RSRC1: variants seen among roughly 807,000 people sequenced by gnomAD.
RSRC1 encodes the protein arginine and serine rich coiled-coil 1, also known as serine/Arginine-related protein 53.
A neutral mutation model predicts 49.1 loss-of-function variants in RSRC1; 39 were observed. That is an observed-to-expected ratio of 0.79 (90% CI 0.61 to 1.04). The LOEUF (loss-of-function observed/expected upper bound fraction) is 1.04. Ranked by LOEUF, RSRC1 falls within the 50% of genes least tolerant of loss-of-function variation. The pLI is 0.00. For synonymous variants in RSRC1, 143 were observed against 130.8 expected, an observed-to-expected ratio of 1.09 and a Z score of -0.63; for missense variants, 388 against 402.4, an observed-to-expected ratio of 0.96 and a Z score of 0.31.
chr3:158,119,518 A>G (rs1419313194), intron 1 of RSRC1, among the ~76,000 whole-genome samples: 1 of 152,142 alleles, frequency 6.6e-6, no homozygotes. Context: ...ACATTCTTAA[A>G]TGATTAAAGG....
Position 158,461,011 on chromosome 3 carries a change from CAT to C in RSRC1, c.652+9_652+10del. 6.3e-7 allele frequency: 1 copy of C among 1,587,338 alleles called. No homozygotes were observed. Among genetic ancestry groups the C allele is most frequent in the Non-Finnish European group, 8.6e-7 (1 of 1,161,838 alleles). On this transcript the variant is annotated intron_variant, in intron 7 of 9. Transcript: ENST00000611884. ...AGAGAAGAAAGGAGGAAGGTAAAGG[CAT>C]GTGTTCATTTTTCTCTGAGAAATCA... is the stretch of plus-strand genomic sequence containing the variant.
At chr3:158,227,544 A>AG (rs1722596107) in intron 4 of RSRC1, among the ~76,000 whole-genome samples, 1 of 152,040 alleles carries the variant, frequency 6.6e-6, no homozygotes, top group African/African-American at 2.4e-5. Context: ...AATGAATAAA[A>AG]GAAGAGCCTT....
At chr3:158,417,349 A>G (rs1250993389) in intron 6 of RSRC1, among the ~76,000 whole-genome samples, 2 of 152,016 alleles carry the variant, frequency 1.3e-5, no homozygotes, top group Non-Finnish European at 2.9e-5. Context: ...CATTTTATTT[A>G]TGTTAGAGAA....
In RSRC1 at chr3:158,468,605, A is replaced by T. The variant is rs527395353; in HGVS notation, c.652+7602A>T. On this transcript the variant is annotated intron_variant, in intron 7 of 9. Coordinates refer to ENST00000611884, the MANE Select transcript of RSRC1 (RefSeq NM_001271838.2). Reference sequence around the variant, plus strand: ...TTGCCTCCTCTATAAAATGAGGCTAATGAAAATATTTGCTCACTGGAGTGA... The same window carrying T: ...TTGCCTCCTCTATAAAATGAGGCTATTGAAAATATTTGCTCACTGGAGTGA... Among the ~76,000 whole-genome samples the T allele has an allele frequency of 1.3e-4, 20 of 152,304 alleles. No homozygotes were observed. The East Asian group carries it at 3.7e-3, about 28-fold the overall frequency.
chr3:158,274,913 G>A (rs1473065953), intron 4 of RSRC1, among the ~76,000 whole-genome samples: 1 of 152,154 alleles, frequency 6.6e-6, no homozygotes, highest in Non-Finnish European at 1.5e-5. Context: ...AACCCAAGAT[G>A]TTTTTAAAAC....
intron 4 of RSRC1, among the ~76,000 whole-genome samples, chr3:158,296,550 T>C (rs1354643112): frequency 6.6e-6 from 1 of 152,084 alleles, no homozygotes; most frequent in Middle Eastern, 3.2e-3. Context: ...TAACTATATT[T>C]GAATGTTCTT....
At chr3:158,115,539 TA>T (rs1414808225) in intron 1 of RSRC1, among the ~76,000 whole-genome samples, 1 of 152,198 alleles carries the variant, frequency 6.6e-6, no homozygotes. Context: ...CCTTATTAAT[TA>T]AAACGAAATT....
chr3:158,242,191 G>A (rs1723634383), intron 4 of RSRC1, among the ~76,000 whole-genome samples: 2 of 151,710 alleles, frequency 1.3e-5, no homozygotes, highest in East Asian at 3.9e-4. Flanking sequence ...TCCTGATGCT[G>A]TTTCTCCTGC....
chr3:158,341,983 T>C (rs1730271704), intron 5 of RSRC1, among the ~76,000 whole-genome samples: 1 of 152,180 alleles, frequency 6.6e-6, no homozygotes, highest in Non-Finnish European at 1.5e-5. Flanking sequence ...ATGGGCCCTG[T>C]AACCCCTTTC....
At position 158,304,127 on chromosome 3, in the gene RSRC1, A is replaced by G. The variant is rs188947136; in HGVS notation, c.531+6052A>G. Among the ~76,000 whole-genome samples, 760 of 152,308 alleles carry G rather than the reference A, an allele frequency of 5.0e-3. 3 individuals are homozygous for G. The highest frequency in any genetic ancestry group is 7.6e-3 in the Non-Finnish European group (514 of 68,008). ...GATGTCCTACTTGTCCTTGTGGTCAAGTAACACAGTCTGACCATTTTAAGT... is the reference window on the plus strand; with the variant it reads ...GATGTCCTACTTGTCCTTGTGGTCAGGTAACACAGTCTGACCATTTTAAGT... On this transcript the variant is annotated intron_variant, in intron 5 of 9. Coordinates refer to ENST00000611884, the MANE Select transcript of RSRC1 (RefSeq NM_001271838.2).
At chr3:158,272,063 G>T (rs773357511) in intron 4 of RSRC1, among the ~76,000 whole-genome samples, 2 of 152,076 alleles carry the variant, frequency 1.3e-5, no homozygotes, top group African/African-American at 4.8e-5. Flanking sequence ...AGGATTAAGG[G>T]CCTAAAGGAA....
intron 7 of RSRC1, among the ~76,000 whole-genome samples, chr3:158,522,391 T>G (rs563066830): frequency 6.6e-6 from 1 of 152,184 alleles, no homozygotes; most frequent in Non-Finnish European, 1.5e-5. Flanking sequence ...ACTGCAGCCT[T>G]GAATTCCTGG....
At chr3:158,421,550 T>TTAGTTTTGTGATA (rs1735053457) in intron 6 of RSRC1, among the ~76,000 whole-genome samples, 1 of 151,884 alleles carries the variant, frequency 6.6e-6, no homozygotes, top group African/African-American at 2.4e-5. Context: ...CTGATGAAAA[T>TTAGTTTTGTGATA]ATTTTATATG....
At chr3:158,267,860 AT>A (rs368565806) in intron 4 of RSRC1, among the ~76,000 whole-genome samples, 2,589 of 124,976 alleles carry the variant, frequency 0.021, 24 homozygotes, top group Non-Finnish European at 0.025. Flanking sequence ...TTCCATATCT[AT>A]TTTTTTTTTT....
chr3:158,448,735 G>A (rs893712094), intron 6 of RSRC1, among the ~76,000 whole-genome samples: 3 of 151,904 alleles, frequency 2.0e-5, no homozygotes, highest in Admixed American at 6.6e-5. Flanking sequence ...TCTAATAAGT[G>A]ACATAGAAAA....
At chr3:158,125,692 T>TGC (rs1233228754) in intron 3 of RSRC1, among the ~76,000 whole-genome samples, 1 of 152,204 alleles carries the variant, frequency 6.6e-6, no homozygotes, top group African/African-American at 2.4e-5. Flanking sequence ...ATGCATATTT[T>TGC]GCTGCTGTTG....
intron 6 of RSRC1, among the ~76,000 whole-genome samples, chr3:158,390,860 T>A (rs1733246471): frequency 6.6e-6 from 1 of 152,190 alleles, no homozygotes; most frequent in Non-Finnish European, 1.5e-5. Flanking sequence ...AAAGGATAAA[T>A]GCAGACCACT....
intron 4 of RSRC1, among the ~76,000 whole-genome samples, chr3:158,258,641 G>A (rs947291502): frequency 6.6e-6 from 1 of 152,032 alleles, no homozygotes; most frequent in Non-Finnish European, 1.5e-5. Flanking sequence ...TTCTACCTCT[G>A]TCTCTTTCTC....
At chr3:158,398,450 T>A (rs1733723120) in intron 6 of RSRC1, among the ~76,000 whole-genome samples, 2 of 152,022 alleles carry the variant, frequency 1.3e-5, no homozygotes, top group East Asian at 3.9e-4. Flanking sequence ...GTAGAAGGGG[T>A]TGAAGGGGTC....
Sources: gnomAD v4.1 joint callset for allele counts (sites outside exome capture counted in the v4.1 genomes callset) on GRCh38, gnomAD v4.1.1 for gene constraint, MANE v1.5 for transcripts, NCBI Gene and HGNC (gene_info 2026-07-23, HGNC 2026-07-21) for gene names.